LAMA3: variants seen among roughly 807,000 people sequenced by gnomAD.
The protein encoded by LAMA3 is laminin subunit alpha-3.
In LAMA3, 281 loss-of-function variants were observed where a neutral mutation model predicts 402.0. The observed-to-expected ratio is 0.70, with a 90% CI of 0.63 to 0.77. The LOEUF (loss-of-function observed/expected upper bound fraction) is 0.77. LAMA3 is among the 30% of genes least tolerant of loss of function. LAMA3 has a pLI of 0.00. For missense variants in LAMA3, 3,840 were observed against 4,215.5 expected, an observed-to-expected ratio of 0.91 and a Z score of 2.47; for synonymous variants, 1,431 against 1,558.4, an observed-to-expected ratio of 0.92 and a Z score of 1.93.
intron 70 of LAMA3, among the ~76,000 whole-genome samples, chr18:23,949,263 T>G (rs1234742885): frequency 6.6e-6 from 1 of 152,170 alleles, no homozygotes; most frequent in Non-Finnish European, 1.5e-5. Context: ...TGCATTTTAT[T>G]ATTTTGGGAA....
intron 41 of LAMA3, among the ~76,000 whole-genome samples, chr18:23,889,686 AAGGAAGGAAGGGAGGGAGGAAGGG>A (rs1201946096): frequency 1.2e-5 from 1 of 85,634 alleles, no homozygotes; most frequent in African/African-American, 4.2e-5. Context: ...GGAAGGAAGG[AAGGAAGGAAGGGAGGGAGGAAGGG>A]AGGAAGGAAG....
In LAMA3 at chr18:23,920,890, C is replaced by G. The variant is rs759973724; in HGVS notation, c.7924-45C>G. On this transcript the variant is annotated intron_variant, in intron 60 of 74. Coordinates refer to ENST00000313654, the MANE Select transcript of LAMA3 (RefSeq NM_198129.4). ...CGGGAGTTCCAGTGCTCTGCCTCTT[C>G]TTCAGCCAAGCCTTCTGGTCATCTG... 8 of 1,611,970 alleles carry G rather than the reference C, an allele frequency of 5.0e-6. No homozygotes were observed. In the Admixed American group the frequency reaches 5.0e-5, roughly 10 times the overall value.
At chr18:23,920,323 G>A (rs1325634533) in intron 60 of LAMA3, among the ~76,000 whole-genome samples, 2 of 152,194 alleles carry the variant, frequency 1.3e-5, no homozygotes, top group African/African-American at 4.8e-5. Flanking sequence ...CACGTGTGCA[G>A]ACTTGGCCCT....
intron 18 of LAMA3, among the ~76,000 whole-genome samples, chr18:23,817,251 T>C (rs894496144): frequency 6.6e-6 from 1 of 152,214 alleles, no homozygotes; most frequent in Non-Finnish European, 1.5e-5. Context: ...TTACCATTTA[T>C]AAACGTTTTG....
At chr18:23,810,301 A>T (rs1598837086) in intron 12 of LAMA3, 65 bp from the exon 13 acceptor site, 18 of 1,590,872 alleles carry the variant, frequency 1.1e-5, no homozygotes, top group Admixed American at 6.7e-5. Flanking sequence ...CTGCTCCGGG[A>T]CGTGGTTCTT....
intron 2 of LAMA3, among the ~76,000 whole-genome samples, chr18:23,723,966 T>C (rs1448380314): frequency 1.3e-5 from 2 of 152,294 alleles, no homozygotes; most frequent in South Asian, 2.1e-4. Context: ...TGTCAGATTT[T>C]GGTGCACCCG....
In LAMA3 at chr18:23,921,041, G is replaced by A; in HGVS notation, c.8030G>A (p.Gly2677Asp). ...GGAGTTGGAGACGCCATAAACAACG[G>A]CAGAGACCATTCGGTACACCTTTTG... ...ERGVGDAINN[G>D]RDHSIQIKIG... Residue 2677 changes from glycine (G) to aspartate (D), a missense_variant, in exon 61 of 75, where the codon GGC becomes GAC. Physicochemically the swap from Gly to Asp is moderately conservative, Grantham distance 94. Transcript: ENST00000313654. The A allele has an allele frequency of 6.2e-7, 1 of 1,613,998 alleles. No individual in the cohort carries two copies. The highest frequency in any genetic ancestry group is 1.7e-5 in the Admixed American group (1 of 60,026).
Position 23,899,435 on chromosome 18 carries a change from A to G in LAMA3, c.5984A>G (p.Asp1995Gly). The G allele has an allele frequency of 6.2e-7, 1 of 1,614,192 alleles. No individual in the cohort carries two copies. The highest frequency in any genetic ancestry group is 1.1e-5 in the South Asian group (1 of 91,084). The change falls in exon 47 of 75, where the codon GAT (aspartate) becomes GGT (glycine). Residue 1995 changes from aspartate (D) to glycine (G), a missense_variant. Physicochemically the swap from Asp to Gly is moderately conservative, Grantham distance 94. Around this residue, in one of 3 missense-constraint regions of LAMA3, gnomAD observed 891 missense variants for 857.5 expected, o/e 1.04. Transcript: ENST00000313654. ...FGKHLREAEA[D>G]KRESQLLLNR... is the part of the protein sequence containing the mutation. ...AAGCACCTCAGAGAAGCAGAAGCTG[A>G]TAAAAGGGAGTCGCAGCTCTGTAAG...
chr18:23,951,736 C>A lies in LAMA3; in HGVS notation c.9695C>A (p.Pro3232Gln), dbSNP rs369545352. 19 of 1,613,856 alleles carry A rather than the reference C, an allele frequency of 1.2e-5. No homozygotes were observed. Among genetic ancestry groups the A allele is most frequent in the Non-Finnish European group, 1.6e-5 (19 of 1,179,914 alleles). The change falls in exon 73 of 75, where the codon CCA becomes CAA. Residue 3232 changes from proline (P) to glutamine (Q), a missense_variant. Around this residue, in one of 3 missense-constraint regions of LAMA3, gnomAD observed 840 missense variants for 981.9 expected, o/e 0.86. Transcript: ENST00000313654. ...GGTGGGACCTCAACGTCGGTCACAC[C>A]AAAGCAGTCTCTGTGTGATGGACAG... ...GAGGTSTSVTPKQSLCDGQWH... is the reference protein window; with the variant it reads ...GAGGTSTSVTQKQSLCDGQWH...
chr18:23,762,164 C>T (rs984878051), intron 7 of LAMA3, among the ~76,000 whole-genome samples: 7 of 151,912 alleles, frequency 4.6e-5, no homozygotes, highest in Admixed American at 1.3e-4. Flanking sequence ...TGTGGTGAGC[C>T]GTGACCACAC....
At position 23,894,964 on chromosome 18, in the gene LAMA3, T is replaced by C. The variant is rs752865472; in HGVS notation, c.5519T>C (p.Leu1840Pro). 3.1e-6 allele frequency: 5 copies of C among 1,613,996 alleles called. No individual in the cohort carries two copies. The highest frequency in any genetic ancestry group is 1.3e-5 in the African/African-American group (1 of 74,928). Residue 1840 changes from leucine (L) to proline (P), a missense_variant, in exon 44 of 75, where the codon CTC becomes CCC. Leu to Pro is a moderately conservative substitution (Grantham distance 98). This residue lies in a region of LAMA3 where 891 missense variants were observed against 857.5 expected (regional missense o/e 1.04). Transcript: ENST00000313654. The part of the protein sequence containing the change: ...LNDLATMGEQ[L>P]RLVKSQLQGL... ...GACCTGGCCACCATGGGCGAGCAGCTCCGCCTGGTCAAGTCTCAGCTGCAG... is the reference window on the plus strand; with the variant it reads ...GACCTGGCCACCATGGGCGAGCAGCCCCGCCTGGTCAAGTCTCAGCTGCAG...
intron 42 of LAMA3, among the ~76,000 whole-genome samples, chr18:23,890,954 G>T (rs2080640002): frequency 6.6e-6 from 1 of 152,210 alleles, no homozygotes; most frequent in African/African-American, 2.4e-5. Context: ...ACAAAGTTGG[G>T]AAGAACAGTA....
chr18:23,859,149 C>G (rs927131415), intron 34 of LAMA3, among the ~76,000 whole-genome samples: 1 of 152,190 alleles, frequency 6.6e-6, no homozygotes, highest in Admixed American at 6.5e-5. Context: ...TGATACACCC[C>G]TAGTGCCTAG....
At chr18:23,894,002 G>A (rs1451510625) in intron 42 of LAMA3, among the ~76,000 whole-genome samples, 7 of 152,154 alleles carry the variant, frequency 4.6e-5, no homozygotes, top group Non-Finnish European at 2.9e-5. Flanking sequence ...ATAACAGGGA[G>A]GCCACAAAAG....
At chr18:23,886,634 A>C (rs1045857530) in intron 41 of LAMA3, among the ~76,000 whole-genome samples, 4 of 152,222 alleles carry the variant, frequency 2.6e-5, no homozygotes, top group Non-Finnish European at 5.9e-5. Context: ...AGAAAAAAAA[A>C]AGCCAATTTG....
chr18:23,942,305 G>A (rs905375566), intron 68 of LAMA3, among the ~76,000 whole-genome samples: 2 of 152,178 alleles, frequency 1.3e-5, no homozygotes, highest in Non-Finnish European at 2.9e-5. Context: ...AGGACAGCCT[G>A]TTGACATCTG....
At position 23,946,890 on chromosome 18, in the gene LAMA3, G is replaced by A. The variant is rs139371949; in HGVS notation, c.9351+606G>A. On this transcript the variant is annotated intron_variant, in intron 70 of 74. Transcript: ENST00000313654. Reference sequence around the variant, plus strand: ...GCTTGGAGAAAAAGGTGCTTAACACGTAATCAAGAGGGTGTTTAAGACATA... The same window carrying A: ...GCTTGGAGAAAAAGGTGCTTAACACATAATCAAGAGGGTGTTTAAGACATA... 8.3e-3 allele frequency: 1,292 copies of A among 155,362 alleles called. 12 individuals carry two copies. Among genetic ancestry groups the A allele is most frequent in the South Asian group, 0.065 (328 of 5,024 alleles). 9.6% of individuals were successfully genotyped at this position (155,362 alleles called of 1,614,324 possible).
intron 35 of LAMA3, among the ~76,000 whole-genome samples, chr18:23,862,406 A>G (rs1478543998): frequency 6.6e-6 from 1 of 152,194 alleles, no homozygotes; most frequent in Non-Finnish European, 1.5e-5. Context: ...TCATGTGGAA[A>G]CATGAGGTGA....
chr18:23,857,831 AC>A lies in LAMA3; in HGVS notation c.4137-12del, dbSNP rs781433199. 1 of 1,614,196 alleles carries A rather than the reference AC, an allele frequency of 6.2e-7. No individual in the cohort carries two copies. The highest frequency in any genetic ancestry group is 1.1e-5 in the South Asian group (1 of 91,084). ...AAAGATGATGATTTTTGCTTCCTTT[AC>A]TTTGTGTACAGATGCAAGCCCAGAA... On this transcript the variant is annotated splice_polypyrimidine_tract_variant and intron_variant, in intron 32 of 74. Transcript: ENST00000313654.
Sources: allele counts gnomAD v4.1 joint callset (sites outside exome capture counted in the v4.1 genomes callset), GRCh38; gene constraint gnomAD v4.1.1; regional missense constraint gnomAD v4.1.1; transcripts MANE v1.5; gene names NCBI Gene and HGNC (gene_info 2026-07-23, HGNC 2026-07-21).